PLD5: variants seen among roughly 807,000 people sequenced by gnomAD.
The protein encoded by PLD5 is inactive phospholipase D5.
In PLD5, 36 loss-of-function variants were observed where a neutral mutation model predicts 61.1. The observed-to-expected ratio is 0.59, with a 90% CI of 0.45 to 0.78. PLD5 has a LOEUF of 0.78. PLD5 is among the 30% of genes least tolerant of loss of function. PLD5 has a pLI of 0.00. For missense variants in PLD5, 515 were observed against 644.4 expected (o/e 0.80, Z 2.17); for synonymous variants, 243 against 242.8 (o/e 1.00, Z -0.01).
intron 2 of PLD5, among the ~76,000 whole-genome samples, chr1:242,326,066 AG>A (rs1658757452): frequency 6.6e-6 from 1 of 152,048 alleles, no homozygotes; most frequent in Admixed American, 6.6e-5. Context: ...TTTTAGAGAC[AG>A]GGTCTCATTA....
Position 242,086,004 on chromosome 1 carries a change from A to C in PLD5, c.*3850T>G, listed in dbSNP as rs1466630704. 2 of 152,216 alleles carry C rather than the reference A, an allele frequency of 1.3e-5. No individual in the cohort carries two copies. Among genetic ancestry groups the C allele is most frequent in the African/African-American group, 2.4e-5 (1 of 41,456 alleles). 9.4% of individuals were successfully genotyped at this position (152,216 alleles called of 1,614,324 possible). A position where few individuals can be genotyped will look rare whatever the true frequency, so the allele number is the denominator to read the frequency against. On this transcript the variant is annotated 3_prime_UTR_variant, in exon 10 of 10. Transcript: ENST00000536534. ...TAGTTCAATAAAAGTTCCTAAAAAC[A>C]AACAGAATGAATCAGAGTCACTGAG... is the stretch of plus-strand genomic sequence containing the variant.
intron 1 of PLD5, among the ~76,000 whole-genome samples, chr1:242,444,256 G>C (rs1227913695): frequency 6.6e-6 from 1 of 152,036 alleles, no homozygotes; most frequent in East Asian, 1.9e-4. Context: ...CCAAAAACTT[G>C]TCACCACAAT....
chr1:242,142,870 G>A (rs1315912592), intron 5 of PLD5, among the ~76,000 whole-genome samples: 1 of 151,938 alleles, frequency 6.6e-6, no homozygotes, highest in Admixed American at 6.6e-5. Context: ...GGAATTGCAG[G>A]CACCCACCAC....
At chr1:242,197,006 C>A (rs1194245193) in intron 5 of PLD5, among the ~76,000 whole-genome samples, 1 of 152,078 alleles carries the variant, frequency 6.6e-6, no homozygotes, top group Non-Finnish European at 1.5e-5. Flanking sequence ...TCAAGTGACC[C>A]TCCCACCTCA....
intron 1 of PLD5, among the ~76,000 whole-genome samples, chr1:242,447,874 G>T (rs755213593): frequency 4.2e-4 from 64 of 152,162 alleles, no homozygotes; most frequent in Non-Finnish European, 1.0e-4. Context: ...ATGCTGGCGC[G>T]AGAGGGACTC....
rs573249259 is a variant in PLD5, at chr1:242,504,185, A to G, written c.189+19903T>C. 2.6e-5 allele frequency among the ~76,000 whole-genome samples: 4 copies of G among 152,346 alleles called. 1 individual carries two copies. The South Asian group carries it at 8.3e-4, about 32-fold the overall frequency. ...AGAATAAACGAAGTTCGATGCACCA[A>G]TGAAGGGAGGGGAGGAAGGTCCAAC... On this transcript the variant is annotated intron_variant, in intron 1 of 9. Coordinates refer to ENST00000536534, the MANE Select transcript of PLD5 (RefSeq NM_001372062.1).
At chr1:242,239,793 T>A (rs1052983515) in intron 4 of PLD5, among the ~76,000 whole-genome samples, 2 of 152,222 alleles carry the variant, frequency 1.3e-5, no homozygotes, top group Non-Finnish European at 2.9e-5. Context: ...ACAGTTTTTT[T>A]AAAGCTGCTG....
At chr1:242,257,569 A>G (rs547454026) in intron 4 of PLD5, among the ~76,000 whole-genome samples, 32 of 152,360 alleles carry the variant, frequency 2.1e-4, no homozygotes, top group Middle Eastern at 3.4e-3. Context: ...TGGTGATAAC[A>G]GTTAATAACA....
intron 2 of PLD5, among the ~76,000 whole-genome samples, chr1:242,309,094 T>G (rs1478400596): frequency 6.6e-6 from 1 of 152,066 alleles, no homozygotes; most frequent in Non-Finnish European, 1.5e-5. Context: ...AGATCATATT[T>G]AACAAGTGGA....
chr1:242,342,005 T>C (rs1401059063), intron 2 of PLD5, among the ~76,000 whole-genome samples: 1 of 151,920 alleles, frequency 6.6e-6, no homozygotes, highest in African/African-American at 2.4e-5. Context: ...ACTACCTAGA[T>C]AAAATAGGTG....
chr1:242,283,201 A>G (rs1321881427), intron 3 of PLD5, among the ~76,000 whole-genome samples: 1 of 152,152 alleles, frequency 6.6e-6, no homozygotes, highest in Non-Finnish European at 1.5e-5. Flanking sequence ...CAAAATTGCT[A>G]CTCTTCCAGA....
At chr1:242,410,212 C>T (rs1056258798) in intron 1 of PLD5, among the ~76,000 whole-genome samples, 7 of 152,020 alleles carry the variant, frequency 4.6e-5, no homozygotes, top group East Asian at 1.9e-4. Flanking sequence ...TAAGGATCCT[C>T]GGAAGAATAG....
At chr1:242,265,658 G>T (rs1256433206) in intron 3 of PLD5, among the ~76,000 whole-genome samples, 1 of 152,106 alleles carries the variant, frequency 6.6e-6, no homozygotes, top group Non-Finnish European at 1.5e-5. Flanking sequence ...ACTTTTTGGG[G>T]GGTATTGTGC....
In PLD5 at chr1:242,452,365, G is replaced by A. The variant is rs189633449; in HGVS notation, c.189+71723C>T. Among the ~76,000 whole-genome samples the A allele has an allele frequency of 3.1e-3, 470 of 152,220 alleles. 1 individual carries two copies. The highest frequency in any genetic ancestry group is 4.5e-3 in the Non-Finnish European group (309 of 68,006). ...ATTATCAAAATTGTTACACTTTTCAGCTTGATCTTGTCAGAACACACTGAA... is the reference window on the plus strand; with the variant it reads ...ATTATCAAAATTGTTACACTTTTCAACTTGATCTTGTCAGAACACACTGAA... On this transcript the variant is annotated intron_variant, in intron 1 of 9. Transcript: ENST00000536534.
rs531152698 is a variant in PLD5 at position 242,347,301 on chromosome 1, T to C, written c.326+805A>G. Among the ~76,000 whole-genome samples the C allele has an allele frequency of 1.1e-4, 17 of 152,318 alleles. No homozygotes were observed. The South Asian group carries it at 3.3e-3, about 30-fold the overall frequency. On this transcript the variant is annotated intron_variant, in intron 2 of 9. Coordinates refer to ENST00000536534, the MANE Select transcript of PLD5 (RefSeq NM_001372062.1). ...TAGGCTAATGCTTTCCACTGGGAAATATAACAATTTAAATTTATTATAAGC... is the reference window on the plus strand; with the variant it reads ...TAGGCTAATGCTTTCCACTGGGAAACATAACAATTTAAATTTATTATAAGC...
chr1:242,512,240 T>C (rs1668942932), intron 1 of PLD5, among the ~76,000 whole-genome samples: 2 of 147,380 alleles, frequency 1.4e-5, no homozygotes, highest in East Asian at 2.0e-4. Context: ...TGAAACCTCG[T>C]CTCTACTAAA....
chr1:242,221,327 A>G (rs1670574319), intron 4 of PLD5, among the ~76,000 whole-genome samples: 2 of 152,228 alleles, frequency 1.3e-5, no homozygotes, highest in Non-Finnish European at 2.9e-5. Context: ...TTAATGAACT[A>G]AGCTATTGTG....
intron 3 of PLD5, among the ~76,000 whole-genome samples, chr1:242,272,132 G>A (rs1214921529): frequency 3.3e-5 from 5 of 152,208 alleles, no homozygotes; most frequent in South Asian, 2.1e-4. Context: ...AAAGTTATAC[G>A]AAAAATGGAG....
At chr1:242,465,130 C>G (rs558722880) in intron 1 of PLD5, among the ~76,000 whole-genome samples, 1 of 152,274 alleles carries the variant, frequency 6.6e-6, no homozygotes, top group African/African-American at 2.4e-5. Flanking sequence ...ATTGAAATGG[C>G]TCATTTTAGG....
Sources: allele counts gnomAD v4.1 joint callset (sites outside exome capture counted in the v4.1 genomes callset), GRCh38; gene constraint gnomAD v4.1.1; transcripts MANE v1.5; gene names NCBI Gene and HGNC (gene_info 2026-07-23, HGNC 2026-07-21).